The following KSR2 variants were observed in gnomAD, a reference collection of about 807,000 sequenced individuals.
The protein encoded by KSR2 is kinase suppressor of ras 2.
KSR2 carries 25 observed loss-of-function variants against 107.8 expected under a neutral mutation model. The observed-to-expected ratio is 0.23, with a 90% CI of 0.17 to 0.32. The LOEUF is 0.32. KSR2 is among the 10% of genes least tolerant of loss of function. The pLI is 1.00. For missense variants in KSR2, 887 were observed against 1,268.9 expected, an observed-to-expected ratio of 0.70 and a Z score of 4.57; for synonymous variants, 480 against 507.0, an observed-to-expected ratio of 0.95 and a Z score of 0.71.
rs367730516 is a variant in KSR2 at position 117,700,121 on chromosome 12, T to G, written c.987-32463A>C. On this transcript the variant is annotated intron_variant, in intron 4 of 19. Transcript: ENST00000339824. ...GTCTCGAACTCCTGATCTTAAGTGA[T>G]CTGCCTGCCTCAGCCTTCCAAAGCA... 1.8e-4 allele frequency among the ~76,000 whole-genome samples: 27 copies of G among 152,154 alleles called. No individual in the cohort carries two copies. In the South Asian group the frequency reaches 5.6e-3, roughly 32 times the overall value.
chr12:117,569,976 C>G (rs2136212649), intron 7 of KSR2, among the ~76,000 whole-genome samples: 1 of 152,032 alleles, frequency 6.6e-6, no homozygotes, highest in Middle Eastern at 3.4e-3. Flanking sequence ...GTTTGGACCC[C>G]CAGGGAACAT....
chr12:117,653,450 C>T (rs1593095618), intron 5 of KSR2, among the ~76,000 whole-genome samples: 2 of 152,206 alleles, frequency 1.3e-5, no homozygotes, highest in Admixed American at 1.3e-4. Context: ...TAATCTTATT[C>T]GGAGAGAGAC....
chr12:117,743,135 C>T (rs1426116131), intron 4 of KSR2, among the ~76,000 whole-genome samples: 1 of 152,354 alleles, frequency 6.6e-6, no homozygotes. Context: ...CAATCCAATT[C>T]GCCAATCACC....
chr12:117,869,240 C>T (rs1893575644), intron 1 of KSR2, among the ~76,000 whole-genome samples: 2 of 151,998 alleles, frequency 1.3e-5, no homozygotes, highest in Non-Finnish European at 2.9e-5. Flanking sequence ...GGTGTGGTGG[C>T]GGGCGCCTAT....
chr12:117,669,927 G>C (rs1226170575), intron 4 of KSR2, among the ~76,000 whole-genome samples: 1 of 150,684 alleles, frequency 6.6e-6, no homozygotes, highest in African/African-American at 2.5e-5. Context: ...GAGGGGCTTA[G>C]CAATTATTCA....
intron 1 of KSR2, among the ~76,000 whole-genome samples, chr12:117,862,254 G>T (rs1042192844): frequency 4.6e-5 from 7 of 152,046 alleles, no homozygotes; most frequent in Admixed American, 3.9e-4. Flanking sequence ...AATTTAAAAT[G>T]TATTTAATAA....
chr12:117,832,627 A>C lies in KSR2; in HGVS notation c.472+22801T>G, dbSNP rs553383251. 1.0e-3 allele frequency among the ~76,000 whole-genome samples: 156 copies of C among 152,346 alleles called. 1 individual carries two copies. Among genetic ancestry groups the C allele is most frequent in the Non-Finnish European group, 1.0e-3 (70 of 68,024 alleles). On this transcript the variant is annotated intron_variant, in intron 3 of 19. Coordinates refer to ENST00000339824, the MANE Select transcript of KSR2 (RefSeq NM_173598.6). ...AGTAGCTGCCTGATGTCACAGAGCAAGCTGGAGGCAGGATGGCATCAGCAT... is the reference window on the plus strand; with the variant it reads ...AGTAGCTGCCTGATGTCACAGAGCACGCTGGAGGCAGGATGGCATCAGCAT...
At chr12:117,784,382 C>T (rs544994391) in intron 3 of KSR2, among the ~76,000 whole-genome samples, 1 of 152,324 alleles carries the variant, frequency 6.6e-6, no homozygotes, top group South Asian at 2.1e-4. Flanking sequence ...CTCTTCCTTC[C>T]TCTTCTGCCA....
intron 3 of KSR2, among the ~76,000 whole-genome samples, chr12:117,852,407 G>A (rs1332704933): frequency 6.6e-6 from 1 of 152,026 alleles, no homozygotes; most frequent in Non-Finnish European, 1.5e-5. Context: ...CAGCCTGGGT[G>A]ACAAGAGTAA....
chr12:117,697,671 C>A (rs769198058), intron 4 of KSR2, among the ~76,000 whole-genome samples: 1 of 144,086 alleles, frequency 6.9e-6, no homozygotes, highest in African/African-American at 2.6e-5. Context: ...ACCCAGGAGG[C>A]GGAGGTTGCA....
chr12:117,750,795 A>G (rs1427980109), intron 4 of KSR2, among the ~76,000 whole-genome samples: 1 of 152,180 alleles, frequency 6.6e-6, no homozygotes, highest in African/African-American at 2.4e-5. Context: ...TGCTTAGGAT[A>G]ATGGCCGCCA....
chr12:117,477,223 G>A (rs772234515), intron 16 of KSR2, among the ~76,000 whole-genome samples: 11 of 152,142 alleles, frequency 7.2e-5, no homozygotes, highest in Admixed American at 3.3e-4. Context: ...GAAACAATGA[G>A]GCAGAACATC....
At chr12:117,651,779 T>C (rs1234589391) in intron 5 of KSR2, among the ~76,000 whole-genome samples, 1 of 152,170 alleles carries the variant, frequency 6.6e-6, no homozygotes, top group Non-Finnish European at 1.5e-5. Flanking sequence ...CCAGAAGATA[T>C]ACCCTTGACC....
chr12:117,860,270 C>G, intron 2 of KSR2, 21 bp downstream of exon 2: 1 of 1,602,582 alleles, frequency 6.2e-7, no homozygotes, highest in Non-Finnish European at 8.5e-7. Flanking sequence ...GGGCAGGGGA[C>G]ACAGGGGCCC....
intron 11 of KSR2, 46 bp downstream of exon 11, chr12:117,531,620 C>G: frequency 6.4e-7 from 1 of 1,558,678 alleles, no homozygotes; most frequent in Non-Finnish European, 8.8e-7. Flanking sequence ...TGCAATGCAG[C>G]GGGGCTTGTT....
At chr12:117,952,050 G>A (rs1458038306) in intron 1 of KSR2, among the ~76,000 whole-genome samples, 2 of 152,096 alleles carry the variant, frequency 1.3e-5, no homozygotes, top group Non-Finnish European at 2.9e-5. Flanking sequence ...TTTCCGTTAT[G>A]AGATGAATAA....
Position 117,936,527 on chromosome 12 carries a change from TTATTATTAGTAGTAG to T in KSR2, c.180+31534_180+31548del, listed in dbSNP as rs1320645455. Among the ~76,000 whole-genome samples the T allele has an allele frequency of 2.9e-3, 346 of 119,578 alleles. 3 individuals are homozygous for T. Among genetic ancestry groups the T allele is most frequent in the African/African-American group, 0.01 (315 of 30,452 alleles). The allele number at this position is 119,578 out of a possible 152,430, so 78.4% of individuals were successfully genotyped here. A position where few individuals can be genotyped will look rare whatever the true frequency, so the allele number is the denominator to read the frequency against. ...TATTATTATTTTATTATTATTATTA[TTATTATTAGTAGTAG>T]TAGTAGTAGTAGTAGTAGTAGTAGT... On this transcript the variant is annotated intron_variant, in intron 1 of 19. Coordinates refer to ENST00000339824, the MANE Select transcript of KSR2 (RefSeq NM_173598.6).
chr12:117,833,965 C>CA (rs5801254), intron 3 of KSR2, among the ~76,000 whole-genome samples: 96,687 of 147,408 alleles, frequency 0.66, 32,317 homozygotes, highest in Admixed American at 0.76. Context: ...CCTGTCTGTA[C>CA]AAAAAAAAAA....
chr12:117,476,767 G>A (rs1354734577), intron 16 of KSR2, among the ~76,000 whole-genome samples, 172 bp from the exon 17 acceptor site: 1 of 152,168 alleles, frequency 6.6e-6, no homozygotes, highest in African/African-American at 2.4e-5. Flanking sequence ...TGCAGGGAAG[G>A]CTGCTCTAGA....
Sources: allele counts gnomAD v4.1 joint callset (sites outside exome capture counted in the v4.1 genomes callset), GRCh38; gene constraint gnomAD v4.1.1; transcripts MANE v1.5; gene names NCBI Gene and HGNC (gene_info 2026-07-23, HGNC 2026-07-21).